The following YWHAQ variants were observed in gnomAD, a reference collection of about 807,000 sequenced individuals.
YWHAQ encodes the protein tyrosine 3-monooxygenase/tryptophan 5-monooxygenase activation protein theta.
A neutral mutation model predicts 28.3 loss-of-function variants in YWHAQ; 6 were observed. That is an observed-to-expected ratio of 0.21 (90% CI 0.12 to 0.42). The LOEUF is 0.42. Ranked by LOEUF, YWHAQ falls within the 10% of genes least tolerant of loss-of-function variation. YWHAQ has a pLI of 1.00. For synonymous variants in YWHAQ, 143 were observed against 119.1 expected (o/e 1.20, Z -1.31); for missense variants, 201 against 305.6 (o/e 0.66, Z 2.55).
chr2:9,604,613 AC>A (rs1666780673), intron 2 of YWHAQ, among the ~76,000 whole-genome samples: 1 of 152,110 alleles, frequency 6.6e-6, no homozygotes, highest in Admixed American at 6.5e-5. Context: ...CCACAACCAA[AC>A]ATGGATCACA....
At chr2:9,611,195 A>G (rs1372473805) in intron 2 of YWHAQ, among the ~76,000 whole-genome samples, 1 of 152,212 alleles carries the variant, frequency 6.6e-6, no homozygotes, top group Non-Finnish European at 1.5e-5. Context: ...TGCACTAACA[A>G]ATCTACCCCC....
intron 2 of YWHAQ, among the ~76,000 whole-genome samples, chr2:9,624,321 G>A (rs1353168952): frequency 2.0e-5 from 3 of 152,146 alleles, no homozygotes; most frequent in Non-Finnish European, 4.4e-5. Flanking sequence ...TTTCAGTAAG[G>A]TGAACTGTAG....
At chr2:9,629,774 C>A (rs1667321671) in intron 2 of YWHAQ, among the ~76,000 whole-genome samples, 1 of 152,182 alleles carries the variant, frequency 6.6e-6, no homozygotes, top group Non-Finnish European at 1.5e-5. Context: ...AAAAAGGTGC[C>A]TGCGCCTTCT....
Position 9,625,772 on chromosome 2 carries a change from C to T in YWHAQ, c.294+4387G>A, listed in dbSNP as rs534365250. Among the ~76,000 whole-genome samples, 40 of 152,258 alleles carry T rather than the reference C, an allele frequency of 2.6e-4. 1 individual carries two copies. The South Asian group carries it at 8.3e-3, about 32-fold the overall frequency. On this transcript the variant is annotated intron_variant, in intron 2 of 5. Transcript: ENST00000238081. ...TGTTAATTATGAGCCATTATTCTAA[C>T]TACAAGCCCATAAAGGCAGGCACCA...
chr2:9,600,225 G>A (rs1666661565), intron 2 of YWHAQ, among the ~76,000 whole-genome samples: 1 of 152,166 alleles, frequency 6.6e-6, no homozygotes. Flanking sequence ...CAAAGAAAGT[G>A]GTTTCTTGAG....
intron 2 of YWHAQ, among the ~76,000 whole-genome samples, chr2:9,602,234 C>A (rs1220672098): frequency 6.6e-6 from 1 of 151,978 alleles, no homozygotes; most frequent in African/African-American, 2.4e-5. Flanking sequence ...CCAGATTAGT[C>A]TGGGCAGCTA....
chr2:9,591,258 A>T, intron 3 of YWHAQ, 134 bp downstream of exon 3: 1 of 1,088,678 alleles, frequency 9.2e-7, no homozygotes, highest in Non-Finnish European at 1.2e-6. Context: ...ATAAGGTAAT[A>T]CTAATTTTCT....
chr2:9,608,803 G>A (rs189333409), intron 2 of YWHAQ, among the ~76,000 whole-genome samples: 29 of 152,344 alleles, frequency 1.9e-4, no homozygotes, highest in African/African-American at 6.7e-4. Context: ...AGCCAGGCGT[G>A]TTGGCGGGTG....
chr2:9,588,309 T>C lies in YWHAQ; in HGVS notation c.438A>G (p.Gln146=), dbSNP rs1666387804. Residue 146 remains glutamine, a synonymous_variant, in exon 4 of 6, where the codon CAA becomes CAG. Coordinates refer to ENST00000238081, the MANE Select transcript of YWHAQ (RefSeq NM_006826.4). The part of the protein sequence containing the change: ...DDRKQTIDNS[Q]GAYQEAFDIS... ...TATCAAATGCCTCTTGGTAAGCTCC[T>C]TGGGAATTATCTATCGTTTCTGTGA... 6 of 1,608,874 alleles carry C rather than the reference T, an allele frequency of 3.7e-6. No individual in the cohort carries two copies. The highest frequency in any genetic ancestry group is 1.3e-5 in the African/African-American group (1 of 74,534).
At position 9,591,662 on chromosome 2, in the gene YWHAQ, T is replaced by A. The variant is rs962823215; in HGVS notation, c.295-147A>T. 112 of 1,074,824 alleles carry A rather than the reference T, an allele frequency of 1.0e-4. No individual in the cohort carries two copies. In the African/African-American group the frequency reaches 1.6e-3, roughly 15 times the overall value. 66.6% of individuals were successfully genotyped at this position (1,074,824 alleles called of 1,614,324 possible). A position where few individuals can be genotyped will look rare whatever the true frequency, so the allele number is the denominator to read the frequency against. ...ATACCAGCCTGGACTTGAAGCATGT[T>A]CTTAGAGCAGGGGTTAGGTTGTTGC... On this transcript the variant is annotated intron_variant, in intron 2 of 5. Transcript: ENST00000238081.
intron 2 of YWHAQ, among the ~76,000 whole-genome samples, chr2:9,605,068 C>T (rs568985100): frequency 6.0e-5 from 9 of 151,010 alleles, no homozygotes; most frequent in Non-Finnish European, 1.0e-4. Context: ...TGATCAAAGT[C>T]ATAATGTGTA....
intron 2 of YWHAQ, among the ~76,000 whole-genome samples, chr2:9,613,273 G>A (rs987456757): frequency 2.0e-5 from 3 of 152,128 alleles, no homozygotes; most frequent in Non-Finnish European, 2.9e-5. Flanking sequence ...CACATAAAAA[G>A]TTTTCAAACT....
At position 9,584,718 on chromosome 2, in the gene YWHAQ, C is replaced by T. The variant is rs1558539475; in HGVS notation, c.*568G>A. 6.6e-6 allele frequency: 1 copy of T among 152,588 alleles called. No homozygotes were observed. Among genetic ancestry groups the T allele is most frequent in the Non-Finnish European group, 1.5e-5 (1 of 68,124 alleles). The allele number at this position is 152,588 out of a possible 1,614,324, so 9.5% of individuals were successfully genotyped here. ...CCCTGTTGCCACAGATACACAAGAC[C>T]TCCGTATGTGATACAGGAGCCATTT... On this transcript the variant is annotated 3_prime_UTR_variant, in exon 6 of 6. Transcript: ENST00000238081.
chr2:9,588,396 C>G, intron 3 of YWHAQ, 68 bp from the exon 4 acceptor site: 26 of 1,529,294 alleles, frequency 1.7e-5, no homozygotes, highest in Non-Finnish European at 2.2e-5. Context: ...ACATTAACAA[C>G]TTGAACATAT....
chr2:9,599,874 G>A (rs1666654276), intron 2 of YWHAQ, among the ~76,000 whole-genome samples: 3 of 152,152 alleles, frequency 2.0e-5, no homozygotes, highest in South Asian at 4.2e-4. Context: ...ATTTCGTAAG[G>A]CCATAGCTGT....
chr2:9,588,718 C>T (rs569257069), intron 3 of YWHAQ, among the ~76,000 whole-genome samples: 4 of 152,118 alleles, frequency 2.6e-5, no homozygotes, highest in African/African-American at 9.7e-5. Flanking sequence ...TTGCAGTGAG[C>T]CGACATCACA....
At position 9,587,450 on chromosome 2, in the gene YWHAQ, G is replaced by A. The variant is rs1666367493; in HGVS notation, c.642C>T (p.Ser214=). 6.2e-7 allele frequency: 1 copy of A among 1,611,660 alleles called. No individual in the cohort carries two copies. Among genetic ancestry groups the A allele is most frequent in the Non-Finnish European group, 8.5e-7 (1 of 1,178,646 alleles). The change falls in exon 5 of 6, where the codon AGC becomes AGT. Residue 214 remains serine (S), a synonymous_variant. Coordinates refer to ENST00000238081, the MANE Select transcript of YWHAQ (RefSeq NM_006826.4). ...CTCTAAGCAACTGCATGATGAGGGT[G>A]CTGTCTTTGTATGAGTCTTCATTCA... The part of the protein sequence containing the change: ...DTLNEDSYKD[S]TLIMQLLRDN...
intron 2 of YWHAQ, among the ~76,000 whole-genome samples, chr2:9,601,419 T>C (rs926561246): frequency 8.5e-5 from 13 of 152,076 alleles, no homozygotes; most frequent in Admixed American, 5.2e-4. Context: ...TGAGCCAGAA[T>C]TGCACCACTG....
intron 2 of YWHAQ, among the ~76,000 whole-genome samples, chr2:9,609,894 G>A (rs576345190): frequency 1.1e-4 from 17 of 152,294 alleles, no homozygotes; most frequent in South Asian, 6.2e-4. Flanking sequence ...TGGGAAGGAA[G>A]AAGTAATGGA....
Sources: gnomAD v4.1 joint callset for allele counts (sites outside exome capture counted in the v4.1 genomes callset) on GRCh38, gnomAD v4.1.1 for gene constraint, MANE v1.5 for transcripts, NCBI Gene and HGNC (gene_info 2026-07-23, HGNC 2026-07-21) for gene names.